MPPED1: variants seen among roughly 807,000 people sequenced by gnomAD.
MPPED1 encodes the protein metallophosphoesterase domain-containing protein 1.
MPPED1 carries 16 observed loss-of-function variants against 36.2 expected under a neutral mutation model. The observed-to-expected ratio is 0.44, with a 90% CI of 0.30 to 0.67. The LOEUF (loss-of-function observed/expected upper bound fraction) is 0.67. Ranked by LOEUF, MPPED1 falls within the 30% of genes least tolerant of loss-of-function variation. MPPED1 has a pLI of 0.10. For missense variants in MPPED1, 307 were observed against 453.4 expected (o/e 0.68, Z 2.93); for synonymous variants, 199 against 191.3 (o/e 1.04, Z -0.33).
chr22:43,486,666 G>C (rs912949034), intron 4 of MPPED1, among the ~76,000 whole-genome samples: 7 of 152,008 alleles, frequency 4.6e-5, no homozygotes, highest in Non-Finnish European at 7.4e-5. Context: ...CTTCATGGTG[G>C]TGGCCACCCC....
intron 2 of MPPED1, among the ~76,000 whole-genome samples, chr22:43,429,023 G>A (rs1412085521): frequency 6.6e-6 from 1 of 152,184 alleles, no homozygotes; most frequent in African/African-American, 2.4e-5. Context: ...TTATGGCAGA[G>A]ACTTGAGTCA....
intron 3 of MPPED1, among the ~76,000 whole-genome samples, chr22:43,464,002 A>G (rs560624513): frequency 1.8e-4 from 27 of 151,524 alleles, no homozygotes; most frequent in African/African-American, 5.1e-4. Flanking sequence ...TCCGCCTCCC[A>G]GGTTCAAGTG....
rs1032710471 is a variant in MPPED1 at position 43,506,387 on chromosome 22, C to T, written c.*771C>T. On this transcript the variant is annotated 3_prime_UTR_variant, in exon 7 of 7. Coordinates refer to ENST00000443721, the MANE Select transcript of MPPED1 (RefSeq NM_001044370.2). ...GACCCTTGGTCCCACGGGGAACACA[C>T]TGCTCTGTAGAATGCGGTAGCCTGG... is the stretch of plus-strand genomic sequence containing the variant. 6.6e-6 allele frequency: 1 copy of T among 152,432 alleles called. No homozygotes were observed. The highest frequency in any genetic ancestry group is 2.4e-5 in the African/African-American group (1 of 41,476). The allele number at this position is 152,432 out of a possible 1,614,324, so 9.4% of individuals were successfully genotyped here. A position where few individuals can be genotyped will look rare whatever the true frequency, so the allele number is the denominator to read the frequency against.
In MPPED1 at chr22:43,488,094, G is replaced by T. The variant is rs547904775; in HGVS notation, c.633-10141G>T. 1.6e-3 allele frequency among the ~76,000 whole-genome samples: 244 copies of T among 152,270 alleles called. 2 individuals are homozygous for T. The highest frequency in any genetic ancestry group is 5.6e-3 in the African/African-American group (231 of 41,556). ...CATGGTGGCAGCTGCCTCTCTTGGG[G>T]GGGTGTGAGGATTGAGTCTGGCTGT... On this transcript the variant is annotated intron_variant, in intron 4 of 6. Transcript: ENST00000443721.
At chr22:43,455,828 T>A (rs1486853647) in intron 3 of MPPED1, among the ~76,000 whole-genome samples, 2 of 152,218 alleles carry the variant, frequency 1.3e-5, no homozygotes, top group East Asian at 3.9e-4. Flanking sequence ...TTCAAGCACT[T>A]TGATTATTGT....
At chr22:43,471,449 C>T (rs1025272125) in intron 3 of MPPED1, among the ~76,000 whole-genome samples, 2 of 152,214 alleles carry the variant, frequency 1.3e-5, no homozygotes, top group Admixed American at 6.5e-5. Flanking sequence ...GCTGGACCAG[C>T]GTCCCCCTCC....
rs1263255803 is a variant in MPPED1 at position 43,463,811 on chromosome 22, C to CTTTCTTTCTTTTTTTTT, written c.407-10914_407-10913insTTTTTTTTTCTTTCTTT. Among the ~76,000 whole-genome samples the CTTTCTTTCTTTTTTTTT allele has an allele frequency of 2.4e-3, 59 of 24,248 alleles. 3 individuals carry two copies. The highest frequency in any genetic ancestry group is 5.9e-3 in the Admixed American group (17 of 2,886). 15.9% of individuals were successfully genotyped at this position (24,248 alleles called of 152,430 possible). ...TGGTTGATTTTTCATTTTTTCTTTT[C>CTTTCTTTCTTTTTTTTT]TTTCTTTCTTTCTTTCTTTCTTTCT... On this transcript the variant is annotated intron_variant, in intron 3 of 6. Coordinates refer to ENST00000443721, the MANE Select transcript of MPPED1 (RefSeq NM_001044370.2).
intron 3 of MPPED1, among the ~76,000 whole-genome samples, chr22:43,468,118 C>T (rs1407281554): frequency 2.0e-5 from 3 of 152,214 alleles, no homozygotes; most frequent in African/African-American, 7.2e-5. Context: ...GTGAAAACAA[C>T]AGGGCCATCC....
intron 4 of MPPED1, among the ~76,000 whole-genome samples, chr22:43,492,566 C>T (rs1253123232): frequency 6.6e-6 from 1 of 152,122 alleles, no homozygotes; most frequent in African/African-American, 2.4e-5. Context: ...GTGCAGGCAG[C>T]TCTTCTGTGC....
chr22:43,413,303 T>C (rs1928969431), intron 1 of MPPED1, among the ~76,000 whole-genome samples: 1 of 145,874 alleles, frequency 6.9e-6, no homozygotes, highest in Non-Finnish European at 1.5e-5. Context: ...GGAGACTTGT[T>C]AGCAGGGATC....
chr22:43,461,762 G>T (rs1261263440), intron 3 of MPPED1, among the ~76,000 whole-genome samples: 1 of 152,156 alleles, frequency 6.6e-6, no homozygotes, highest in Non-Finnish European at 1.5e-5. Context: ...GTGACTGAGG[G>T]GAAAATCATG....
chr22:43,415,900 G>A (rs1569061292), intron 1 of MPPED1, among the ~76,000 whole-genome samples: 1 of 152,158 alleles, frequency 6.6e-6, no homozygotes, highest in Non-Finnish European at 1.5e-5. Context: ...TTTTGGCATC[G>A]CCCAGGCTAA....
At chr22:43,432,087 G>A (rs1298492964) in intron 2 of MPPED1, among the ~76,000 whole-genome samples, 8 of 152,132 alleles carry the variant, frequency 5.3e-5, no homozygotes. Flanking sequence ...TAGACTGTCG[G>A]GTCCCTAGCA....
At chr22:43,484,935 G>T (rs991775908) in intron 4 of MPPED1, among the ~76,000 whole-genome samples, 1 of 152,178 alleles carries the variant, frequency 6.6e-6, no homozygotes, top group African/African-American at 2.4e-5. Flanking sequence ...AGCCCAACGT[G>T]CAGCATCAGT....
intron 3 of MPPED1, among the ~76,000 whole-genome samples, chr22:43,450,953 C>T (rs534463258): frequency 6.6e-6 from 1 of 151,354 alleles, no homozygotes; most frequent in South Asian, 2.1e-4. Context: ...CTCGAACTCC[C>T]AACCTCAGGT....
intron 2 of MPPED1, among the ~76,000 whole-genome samples, chr22:43,433,823 C>T (rs1225752225): frequency 1.3e-5 from 2 of 152,154 alleles, no homozygotes; most frequent in Non-Finnish European, 2.9e-5. Context: ...GATATGGCAC[C>T]GCTTTTGGTT....
intron 3 of MPPED1, among the ~76,000 whole-genome samples, chr22:43,463,868 T>TTTC (rs1255690141): frequency 2.6e-4 from 39 of 148,514 alleles, no homozygotes; most frequent in African/African-American, 9.7e-4. Flanking sequence ...TCTTTCTTTC[T>TTTC]TTCTTTCTCT....
At chr22:43,489,752 G>A (rs562067860) in intron 4 of MPPED1, among the ~76,000 whole-genome samples, 3 of 152,210 alleles carry the variant, frequency 2.0e-5, no homozygotes, top group African/African-American at 7.2e-5. Context: ...CTCCTGACCT[G>A]AGGTGATCCA....
intron 4 of MPPED1, among the ~76,000 whole-genome samples, chr22:43,487,269 G>A (rs950697418): frequency 3.3e-5 from 5 of 152,162 alleles, no homozygotes; most frequent in Non-Finnish European, 5.9e-5. Flanking sequence ...AATACGGGTC[G>A]TGGATGATGG....
Sources: allele counts gnomAD v4.1 joint callset (sites outside exome capture counted in the v4.1 genomes callset), GRCh38; gene constraint gnomAD v4.1.1; transcripts MANE v1.5; gene names NCBI Gene and HGNC (gene_info 2026-07-23, HGNC 2026-07-21).